The following KCNIP4 variants were observed in gnomAD, a reference collection of about 807,000 sequenced individuals.
KCNIP4 encodes the protein potassium voltage-gated channel interacting protein 4.
KCNIP4 carries 12 observed loss-of-function variants against 34.0 expected under a neutral mutation model. The ratio of observed to expected loss-of-function variants is 0.35; its 90% CI spans 0.23 to 0.57. KCNIP4 has a LOEUF of 0.57. Ranked by LOEUF, KCNIP4 falls within the 20% of genes least tolerant of loss-of-function variation. The pLI, the probability that KCNIP4 is intolerant of heterozygous loss-of-function variation, is 0.83. For synonymous variants in KCNIP4, 124 were observed against 102.2 expected, an observed-to-expected ratio of 1.21 and a Z score of -1.29; for missense variants, 238 against 311.7, an observed-to-expected ratio of 0.76 and a Z score of 1.78.
rs188134065 is a variant in KCNIP4 at position 20,822,966 on chromosome 4, C to T, written c.288+27577G>A. Among the ~76,000 whole-genome samples the T allele has an allele frequency of 6.6e-5, 10 of 152,070 alleles. No homozygotes were observed. In the East Asian group the frequency reaches 7.8e-4, roughly 12 times the overall value. ...GGGATGACACATAATTTTTCCCCTC[C>T]GGAGGATGCAGCAACAAGGTACCTT... On this transcript the variant is annotated intron_variant, in intron 3 of 8. Transcript: ENST00000382152.
intron 1 of KCNIP4, among the ~76,000 whole-genome samples, chr4:21,699,123 A>AT (rs1712623779): frequency 6.6e-6 from 1 of 152,236 alleles, no homozygotes; most frequent in Non-Finnish European, 1.5e-5. Flanking sequence ...GAAATACACA[A>AT]TTGTAGTTCA....
chr4:21,011,160 T>G (rs575872284), intron 1 of KCNIP4, among the ~76,000 whole-genome samples: 88 of 152,326 alleles, frequency 5.8e-4, no homozygotes, highest in Non-Finnish European at 8.5e-4. Flanking sequence ...TATAAGTAAT[T>G]GGCTTCTTTG....
intron 1 of KCNIP4, among the ~76,000 whole-genome samples, chr4:21,872,832 C>CA (rs1725893461): frequency 6.6e-6 from 1 of 152,068 alleles, no homozygotes; most frequent in African/African-American, 2.4e-5. Flanking sequence ...AACTAAATGG[C>CA]AAATATAGTA....
At chr4:21,069,030 A>G (rs1329097742) in intron 1 of KCNIP4, among the ~76,000 whole-genome samples, 2 of 152,176 alleles carry the variant, frequency 1.3e-5, no homozygotes, top group Non-Finnish European at 2.9e-5. Context: ...TTGTACATCT[A>G]AAAAAGGGGC....
intron 1 of KCNIP4, among the ~76,000 whole-genome samples, chr4:21,882,741 C>T (rs1000742600): frequency 2.6e-5 from 4 of 151,980 alleles, no homozygotes; most frequent in African/African-American, 9.7e-5. Flanking sequence ...CTTCAGGAAG[C>T]TTGGGCTTCA....
intron 1 of KCNIP4, among the ~76,000 whole-genome samples, chr4:21,781,403 A>T (rs1368832829): frequency 6.6e-6 from 1 of 152,164 alleles, no homozygotes; most frequent in East Asian, 1.9e-4. Flanking sequence ...TTAGAGCAGT[A>T]TGAGATCAGA....
intron 1 of KCNIP4, among the ~76,000 whole-genome samples, chr4:21,625,929 A>G (rs1745288927): frequency 6.6e-6 from 1 of 152,162 alleles, no homozygotes; most frequent in Non-Finnish European, 1.5e-5. Flanking sequence ...GTTGGTTTAG[A>G]CAGCAAAAGC....
At chr4:21,679,392 A>G (rs1358950209) in intron 1 of KCNIP4, among the ~76,000 whole-genome samples, 1 of 152,208 alleles carries the variant, frequency 6.6e-6, no homozygotes, top group Non-Finnish European at 1.5e-5. Context: ...AGGACCTAGC[A>G]AAGGATAGGT....
chr4:21,477,636 C>A (rs538532673), intron 1 of KCNIP4, among the ~76,000 whole-genome samples: 16 of 152,246 alleles, frequency 1.1e-4, no homozygotes, highest in East Asian at 3.9e-4. Flanking sequence ...TTTAAGAGAG[C>A]AATAAATGAA....
intron 1 of KCNIP4, among the ~76,000 whole-genome samples, chr4:21,599,814 G>C (rs1168561798): frequency 6.6e-6 from 1 of 152,052 alleles, no homozygotes; most frequent in African/African-American, 2.4e-5. Context: ...CAGAAGAATT[G>C]AGTTTAAGAA....
intron 1 of KCNIP4, among the ~76,000 whole-genome samples, chr4:21,488,766 G>C (rs1732125921): frequency 6.6e-6 from 1 of 152,052 alleles, no homozygotes; most frequent in Admixed American, 6.6e-5. Context: ...GCAGAGAAAA[G>C]TAAAATTCCT....
rs184365612 is a variant in KCNIP4, at chr4:21,284,915, C to T, written c.62-402206G>A. ...AGACCTGAGCAGACCCCAACAGCCT[C>T]TGCTACAGCTGTTGGCCCAAATCGC... On this transcript the variant is annotated intron_variant, in intron 1 of 8. Transcript: ENST00000382152. Among the ~76,000 whole-genome samples, 189 of 152,188 alleles carry T rather than the reference C, an allele frequency of 1.2e-3. 1 individual carries two copies. The highest frequency in any genetic ancestry group is 4.0e-3 in the African/African-American group (168 of 41,524).
At chr4:20,738,129 CAAAA>C (rs200429048) in intron 5 of KCNIP4, among the ~76,000 whole-genome samples, 1 of 115,560 alleles carries the variant, frequency 8.7e-6, no homozygotes, top group African/African-American at 3.2e-5. Flanking sequence ...GACTCTGTCT[CAAAA>C]AAAAAAAAAA....
At chr4:21,665,431 C>T (rs771738479) in intron 1 of KCNIP4, among the ~76,000 whole-genome samples, 6 of 151,892 alleles carry the variant, frequency 4.0e-5, no homozygotes, top group Non-Finnish European at 7.4e-5. Context: ...AAAAACCTAA[C>T]TTTAAAAAGT....
At chr4:20,986,414 A>C (rs967746910) in intron 1 of KCNIP4, among the ~76,000 whole-genome samples, 2 of 152,212 alleles carry the variant, frequency 1.3e-5, no homozygotes, top group Non-Finnish European at 2.9e-5. Flanking sequence ...TTTAGTAATT[A>C]GTAGGAAAAA....
At chr4:21,375,659 C>T (rs1455606099) in intron 1 of KCNIP4, among the ~76,000 whole-genome samples, 2 of 151,810 alleles carry the variant, frequency 1.3e-5, no homozygotes, top group African/African-American at 2.4e-5. Flanking sequence ...CTCCGCCTCC[C>T]AGGTTCACCC....
chr4:20,877,970 C>CT (rs10713065), intron 2 of KCNIP4, among the ~76,000 whole-genome samples: 4,230 of 148,326 alleles, frequency 0.029, 59 homozygotes, highest in African/African-American at 0.048. Flanking sequence ...TTCTCTCTCT[C>CT]TTTTTTTTTT....
chr4:21,836,344 G>C (rs1412612232), intron 1 of KCNIP4, among the ~76,000 whole-genome samples: 1 of 152,104 alleles, frequency 6.6e-6, no homozygotes, highest in Non-Finnish European at 1.5e-5. Flanking sequence ...CCTGAAAGTA[G>C]AAAGCCTAGA....
chr4:21,673,241 C>T (rs188870410), intron 1 of KCNIP4, among the ~76,000 whole-genome samples: 11 of 152,300 alleles, frequency 7.2e-5, no homozygotes, highest in Admixed American at 5.2e-4. Flanking sequence ...AGAAACCAGA[C>T]AGTCGAAATT....
Sources: allele counts gnomAD v4.1 joint callset (sites outside exome capture counted in the v4.1 genomes callset), GRCh38; gene constraint gnomAD v4.1.1; transcripts MANE v1.5; gene names NCBI Gene and HGNC (gene_info 2026-07-23, HGNC 2026-07-21).